Variants in C10orf90 observed in about 807,000 individuals in gnomAD.
C10orf90 encodes chromosome 10 open reading frame 90, also known as (E2-independent) E3 ubiquitin-conjugating enzyme FATS.
C10orf90 carries 56 observed loss-of-function variants against 62.5 expected under a neutral mutation model. The ratio of observed to expected loss-of-function variants is 0.90; its 90% CI spans 0.72 to 1.12. The LOEUF (loss-of-function observed/expected upper bound fraction) is 1.12, where lower values mean the gene tolerates loss of function less well. Ranked by LOEUF, C10orf90 falls within the 50% of genes most tolerant of loss-of-function variation. C10orf90 has a pLI of 0.00. For synonymous variants in C10orf90, 386 were observed against 340.4 expected (o/e 1.13, Z -1.47); for missense variants, 970 against 880.4 (o/e 1.10, Z -1.29).
chr10:126,603,414 A>G (rs1000808304), intron 2 of C10orf90, among the ~76,000 whole-genome samples: 9 of 152,178 alleles, frequency 5.9e-5, no homozygotes, highest in Non-Finnish European at 2.9e-5. Context: ...CCATGATTCA[A>G]TTACCTCCCA....
At chr10:126,460,080 G>C (rs1859871279) in intron 6 of C10orf90, among the ~76,000 whole-genome samples, 1 of 152,166 alleles carries the variant, frequency 6.6e-6, no homozygotes, top group Non-Finnish European at 1.5e-5. Flanking sequence ...GCCTTTTATG[G>C]TCTTAACTTC....
chr10:126,531,184 A>G (rs925047060), intron 2 of C10orf90, among the ~76,000 whole-genome samples: 1 of 152,054 alleles, frequency 6.6e-6, no homozygotes, highest in Admixed American at 6.5e-5. Flanking sequence ...AAAAAAAAAA[A>G]AAAGAAAGAA....
intron 2 of C10orf90, among the ~76,000 whole-genome samples, chr10:126,567,570 G>T (rs1844419160): frequency 6.6e-6 from 1 of 152,172 alleles, no homozygotes; most frequent in African/African-American, 2.4e-5. Flanking sequence ...CCACAGCTGG[G>T]TTGGCTGAAG....
chr10:126,463,120 G>A (rs1238372694), intron 5 of C10orf90: 2 of 144,244 alleles, frequency 1.4e-5, no homozygotes, highest in African/African-American at 5.2e-5. Context: ...ATGTCTTCTT[G>A]TGAGCATGTT....
intron 2 of C10orf90, among the ~76,000 whole-genome samples, chr10:126,582,868 CTT>C: frequency 6.6e-6 from 1 of 152,332 alleles, no homozygotes; most frequent in Admixed American, 6.5e-5. Flanking sequence ...TTTCACCACT[CTT>C]AGGAAGAAGC....
chr10:126,433,396 T>C (rs960660066), intron 7 of C10orf90, among the ~76,000 whole-genome samples: 3 of 151,858 alleles, frequency 2.0e-5, no homozygotes, highest in Non-Finnish European at 4.4e-5. Flanking sequence ...CTGGGAAAAC[T>C]CCATAACAGG....
intron 2 of C10orf90, among the ~76,000 whole-genome samples, chr10:126,515,008 G>A (rs1863358385): frequency 6.6e-6 from 1 of 152,230 alleles, no homozygotes; most frequent in South Asian, 2.1e-4. Flanking sequence ...TAGTGCAGGT[G>A]ATGAGAAAGA....
intron 2 of C10orf90, among the ~76,000 whole-genome samples, chr10:126,565,437 TACAC>T (rs71032507): frequency 0.021 from 1,531 of 72,358 alleles, 48 homozygotes; most frequent in Non-Finnish European, 0.026. Context: ...ATATATATTA[TACAC>T]ACACACACAC....
chr10:126,496,495 T>C (rs1418194991), intron 4 of C10orf90, among the ~76,000 whole-genome samples: 2 of 152,234 alleles, frequency 1.3e-5, no homozygotes, highest in South Asian at 4.1e-4. Flanking sequence ...AACATTACAT[T>C]TGACCACATG....
intron 1 of C10orf90, among the ~76,000 whole-genome samples, chr10:126,646,917 G>C (rs1846183383): frequency 6.6e-6 from 1 of 152,160 alleles, no homozygotes; most frequent in East Asian, 1.9e-4. Flanking sequence ...TTTTGCCGTG[G>C]ATTTGGTTAG....
chr10:126,494,106 C>G (rs1018992805), intron 4 of C10orf90, among the ~76,000 whole-genome samples: 1 of 152,144 alleles, frequency 6.6e-6, no homozygotes, highest in Non-Finnish European at 1.5e-5. Context: ...CCTACAGAGG[C>G]CATCAGATCA....
intron 1 of C10orf90, among the ~76,000 whole-genome samples, chr10:126,668,380 G>A (rs1442549297): frequency 6.6e-6 from 1 of 152,182 alleles, no homozygotes; most frequent in Non-Finnish European, 1.5e-5. Flanking sequence ...AAGAGAAGGA[G>A]TCACTGGGCC....
chr10:126,437,943 A>G (rs534677367), intron 7 of C10orf90, among the ~76,000 whole-genome samples: 1 of 152,324 alleles, frequency 6.6e-6, no homozygotes, highest in Non-Finnish European at 1.5e-5. Context: ...ATTCTCTCAT[A>G]TAATTGGTAT....
In C10orf90 at chr10:126,425,207, C is replaced by A. The variant is rs1031201827; in HGVS notation, c.*657G>T. ...AGTATTGTAGAAAACACTGAAGTTA[C>A]GTCAGAGCTTCCATAGAAATGGATT... On this transcript the variant is annotated 3_prime_UTR_variant, in exon 10 of 10. Coordinates refer to ENST00000488181, the MANE Select transcript of C10orf90 (RefSeq NM_001350921.2). 4 of 151,902 alleles carry A rather than the reference C, an allele frequency of 2.6e-5. No individual in the cohort carries two copies. The highest frequency in any genetic ancestry group is 2.0e-4 in the Admixed American group (3 of 15,232). The allele number at this position is 151,902 out of a possible 1,614,324, so 9.4% of individuals were successfully genotyped here. A position where few individuals can be genotyped will look rare whatever the true frequency, so the allele number is the denominator to read the frequency against.
intron 1 of C10orf90, among the ~76,000 whole-genome samples, chr10:126,667,195 A>G (rs1377665216): frequency 3.3e-5 from 5 of 151,558 alleles, no homozygotes; most frequent in Non-Finnish European, 7.4e-5. Context: ...AGTAGCTGGG[A>G]CTACAGGCAC....
intron 2 of C10orf90, among the ~76,000 whole-genome samples, chr10:126,565,426 T>TATTATATAAA (rs1844359393): frequency 1.7e-5 from 1 of 57,210 alleles, no homozygotes; most frequent in Non-Finnish European, 3.1e-5. Context: ...TTATATATAT[T>TATTATATAAA]ATATATATTA....
intron 2 of C10orf90, among the ~76,000 whole-genome samples, chr10:126,621,865 T>C (rs956486931): frequency 8.5e-5 from 13 of 152,228 alleles, no homozygotes; most frequent in East Asian, 1.9e-4. Flanking sequence ...ACGATTATTT[T>C]ACATTTCAGC....
Position 126,487,142 on chromosome 10 carries a change from C to CAAA in C10orf90, c.1534+16812_1534+16814dup, listed in dbSNP as rs1158481155. 6.3e-3 allele frequency among the ~76,000 whole-genome samples: 184 copies of CAAA among 29,436 alleles called. 3 individuals are homozygous for CAAA. Among genetic ancestry groups the CAAA allele is most frequent in the African/African-American group, 0.019 (135 of 7,228 alleles). 19.3% of individuals were successfully genotyped at this position (29,436 alleles called of 152,430 possible). ...CTGGGCAACAACAGTAAAACTCTGT[C>CAAA]AAAAAAAAAAAAAAAAAAAAAAAAA... On this transcript the variant is annotated intron_variant, in intron 4 of 9. Transcript: ENST00000488181.
At chr10:126,471,144 A>T (rs1860565692) in intron 4 of C10orf90, among the ~76,000 whole-genome samples, 1 of 152,216 alleles carries the variant, frequency 6.6e-6, no homozygotes, top group South Asian at 2.1e-4. Context: ...CGTTACCCAC[A>T]AAGATGATCC....
Sources: allele counts gnomAD v4.1 joint callset (sites outside exome capture counted in the v4.1 genomes callset), GRCh38; gene constraint gnomAD v4.1.1; transcripts MANE v1.5; gene names NCBI Gene and HGNC (gene_info 2026-07-23, HGNC 2026-07-21).